Variants in BCAR3 observed in about 807,000 individuals in gnomAD.
The protein encoded by BCAR3 is breast cancer anti-estrogen resistance protein 3.
In BCAR3, 37 loss-of-function variants were observed where a neutral mutation model predicts 80.1. The observed-to-expected ratio is 0.46, with a 90% CI of 0.36 to 0.61. The LOEUF (loss-of-function observed/expected upper bound fraction) is 0.61. Ranked by LOEUF, BCAR3 falls within the 20% of genes least tolerant of loss-of-function variation. The pLI is 0.00. For missense variants in BCAR3, 978 were observed against 1,068.2 expected (o/e 0.92, Z 1.18); for synonymous variants, 389 against 418.9 (o/e 0.93, Z 0.87).
At chr1:93,805,406 C>A (rs1180185939) in intron 2 of BCAR3, among the ~76,000 whole-genome samples, 1 of 152,180 alleles carries the variant, frequency 6.6e-6, no homozygotes, top group Non-Finnish European at 1.5e-5. Flanking sequence ...CATTAAAGTT[C>A]TATATGTGCA....
chr1:93,582,983 G>A lies in BCAR3; in HGVS notation c.1034-30C>T, dbSNP rs376405583. Reference sequence around the variant, plus strand: ...GGGGGATAAGAAAAGGTCAGAGAAAGCTCATCTGTGTGGAGAATATAAAAC... The same window carrying A: ...GGGGGATAAGAAAAGGTCAGAGAAAACTCATCTGTGTGGAGAATATAAAAC... On this transcript the variant is annotated intron_variant, in intron 6 of 11. Transcript: ENST00000260502. 5 of 1,553,354 alleles carry A rather than the reference G, an allele frequency of 3.2e-6. No homozygotes were observed. In the African/African-American group the frequency reaches 6.8e-5, roughly 21 times the overall value.
At chr1:93,585,006 A>G (rs180884491) in intron 5 of BCAR3, 2 of 985,260 alleles carry the variant, frequency 2.0e-6, no homozygotes, top group Non-Finnish European at 2.4e-6. Flanking sequence ...AAATCAAAAA[A>G]CCCCCAAACT....
At position 93,582,737 on chromosome 1, in the gene BCAR3, G is replaced by A. The variant is rs148367926; in HGVS notation, c.1250C>T (p.Ser417Leu). ...PCKVPFLKVP[S>L]SPSAWLNSEA... ...TGAGTTGAGCCAGGCAGAGGGAGAC[G>A]AGGGAACCTTGAGGAACGGCACCTT... Residue 417 changes from serine (S) to leucine (L), a missense_variant, in exon 7 of 12, where the codon TCG becomes TTG. Coordinates refer to ENST00000260502, the MANE Select transcript of BCAR3 (RefSeq NM_003567.4). The A allele has an allele frequency of 1.8e-4, 292 of 1,614,150 alleles. 1 individual carries two copies. Among genetic ancestry groups the A allele is most frequent in the African/African-American group, 1.3e-3 (95 of 75,042 alleles).
intron 7 of BCAR3, among the ~76,000 whole-genome samples, chr1:93,578,499 CAA>C (rs1673554234): frequency 6.6e-6 from 1 of 152,260 alleles, no homozygotes; most frequent in East Asian, 1.9e-4. Flanking sequence ...TGGGTTTTGA[CAA>C]CTAAGTGTCT....
At position 93,570,085 on chromosome 1, in the gene BCAR3, T is replaced by C. The variant is rs112367514; in HGVS notation, c.1974+1585A>G. On this transcript the variant is annotated intron_variant, in intron 9 of 11. Transcript: ENST00000260502. ...TATTTCAAATACCAATCCTACAAAA[T>C]ACCAGTCTACCTGAAGAATTCTGAA... Among the ~76,000 whole-genome samples, 142 of 152,290 alleles carry C rather than the reference T, an allele frequency of 9.3e-4. 1 individual carries two copies. The highest frequency in any genetic ancestry group is 3.3e-3 in the African/African-American group (136 of 41,568).
At chr1:93,703,118 G>C (rs565032316) in intron 3 of BCAR3, among the ~76,000 whole-genome samples, 11 of 152,298 alleles carry the variant, frequency 7.2e-5, no homozygotes, top group Admixed American at 2.0e-4. Context: ...CTGTGATCAG[G>C]CCAGGCCCTC....
chr1:93,615,663 A>T (rs1469169790), intron 3 of BCAR3, among the ~76,000 whole-genome samples: 3 of 152,174 alleles, frequency 2.0e-5, no homozygotes, highest in Non-Finnish European at 4.4e-5. Flanking sequence ...AAGGTCCAGT[A>T]CCGCACCTGT....
intron 3 of BCAR3, among the ~76,000 whole-genome samples, chr1:93,606,345 A>G (rs1398339069): frequency 6.6e-6 from 1 of 152,246 alleles, no homozygotes; most frequent in African/African-American, 2.4e-5. Context: ...TGTGGGCTAA[A>G]CAGTGAGCAA....
At chr1:93,774,658 G>A (rs1652482805) in intron 2 of BCAR3, among the ~76,000 whole-genome samples, 2 of 152,180 alleles carry the variant, frequency 1.3e-5, no homozygotes, top group Admixed American at 1.3e-4. Context: ...GCAACGACCT[G>A]AAGTTATCTA....
chr1:93,759,294 C>G (rs922283534), intron 2 of BCAR3, among the ~76,000 whole-genome samples: 16 of 152,164 alleles, frequency 1.1e-4, no homozygotes, highest in African/African-American at 3.4e-4. Flanking sequence ...CTACCCTTCA[C>G]AAAAAAGAGA....
chr1:93,757,029 G>A (rs1189203737), intron 2 of BCAR3, among the ~76,000 whole-genome samples: 4 of 152,214 alleles, frequency 2.6e-5, no homozygotes, highest in Non-Finnish European at 5.9e-5. Flanking sequence ...CTGCAGGCAT[G>A]TCCCCTGACT....
At chr1:93,608,803 T>C (rs1039718813) in intron 3 of BCAR3, among the ~76,000 whole-genome samples, 9 of 152,174 alleles carry the variant, frequency 5.9e-5, no homozygotes, top group Admixed American at 5.2e-4. Flanking sequence ...ACACTGTCCT[T>C]TCTTTTTGGA....
At chr1:93,695,029 G>C (rs1433769106) in intron 3 of BCAR3, among the ~76,000 whole-genome samples, 1 of 152,070 alleles carries the variant, frequency 6.6e-6, no homozygotes, top group Non-Finnish European at 1.5e-5. Context: ...GCCTCTTTCT[G>C]CCCACATTCC....
At chr1:93,755,027 G>A (rs1651696380) in intron 2 of BCAR3, among the ~76,000 whole-genome samples, 1 of 151,902 alleles carries the variant, frequency 6.6e-6, no homozygotes, top group Admixed American at 6.6e-5. Context: ...CCTAGGCTGA[G>A]GCTAATCGTG....
At chr1:93,584,959 A>T in intron 5 of BCAR3, 1 of 975,538 alleles carries the variant, frequency 1.0e-6, no homozygotes, top group Non-Finnish European at 1.2e-6. Flanking sequence ...GAAATCACGA[A>T]GTTCTTTCCT....
At chr1:93,833,777 C>T (rs1325131969) in intron 2 of BCAR3, among the ~76,000 whole-genome samples, 1 of 152,170 alleles carries the variant, frequency 6.6e-6, no homozygotes, top group Non-Finnish European at 1.5e-5. Context: ...ATTGTTCAAA[C>T]ACACATGCTT....
intron 2 of BCAR3, among the ~76,000 whole-genome samples, chr1:93,666,349 C>T (rs1403288189): frequency 5.9e-5 from 9 of 152,258 alleles, no homozygotes; most frequent in Non-Finnish European, 1.0e-4. Flanking sequence ...TATTTCAACA[C>T]GGTTACATAA....
chr1:93,562,635 G>A (rs1360969205), intron 11 of BCAR3, among the ~76,000 whole-genome samples: 2 of 151,978 alleles, frequency 1.3e-5, no homozygotes, highest in African/African-American at 4.8e-5. Context: ...GCCAGGCGTG[G>A]TGGCGAGCGC....
intron 2 of BCAR3, among the ~76,000 whole-genome samples, chr1:93,719,578 G>A (rs1444251606): frequency 6.6e-6 from 1 of 151,938 alleles, no homozygotes; most frequent in African/African-American, 2.4e-5. Context: ...TCCTGACCTC[G>A]TGATCTGCCT....
Sources: gnomAD v4.1 joint callset for allele counts (sites outside exome capture counted in the v4.1 genomes callset) on GRCh38, gnomAD v4.1.1 for gene constraint, MANE v1.5 for transcripts, NCBI Gene and HGNC (gene_info 2026-07-23, HGNC 2026-07-21) for gene names.